FOXP2: variants seen among roughly 807,000 people sequenced by gnomAD.
FOXP2 encodes the protein forkhead box protein P2.
FOXP2 carries 12 observed loss-of-function variants against 115.8 expected under a neutral mutation model. That is an observed-to-expected ratio of 0.10 (90% CI 0.07 to 0.17). FOXP2 has a LOEUF of 0.17. Ranked by LOEUF, FOXP2 falls within the 10% of genes least tolerant of loss-of-function variation. The probability of loss-of-function intolerance (pLI) is 1.00; values close to 1 mark genes in which losing one functional copy is unlikely to be tolerated. For missense variants in FOXP2, 629 were observed against 843.5 expected, an observed-to-expected ratio of 0.75 and a Z score of 3.15; for synonymous variants, 328 against 297.7, an observed-to-expected ratio of 1.10 and a Z score of -1.05.
rs1278575018 is a variant in FOXP2, at chr7:114,401,469, C to G, written c.-10-25033C>G. 2.0e-5 allele frequency among the ~76,000 whole-genome samples: 3 copies of G among 152,134 alleles called. No individual in the cohort carries two copies. The South Asian group carries it at 6.2e-4, about 32-fold the overall frequency. On this transcript the variant is annotated intron_variant, in intron 2 of 17. Coordinates refer to the FOXP2 transcript ENST00000634411. ...TCCCCTCATCACTACCACTTAATAA[C>G]TTATTTTCTGCCAGGTACTTTTCAT...
intron 2 of FOXP2, among the ~76,000 whole-genome samples, chr7:114,513,341 T>C (rs1398863113): frequency 6.6e-6 from 1 of 152,160 alleles, no homozygotes; most frequent in Admixed American, 6.6e-5. Context: ...TTATGATTAA[T>C]AACTAGTAAT....
rs151329415 is a variant in FOXP2, at chr7:114,294,406, C to T, written c.-11+6297C>T. On this transcript the variant is annotated intron_variant, in intron 2 of 17. Transcript: ENST00000634411. ...TGGAGGTGTAAATACTAGAGTCACA[C>T]GGAAGTATCTAGATATGTGTACACA... 6.5e-3 allele frequency among the ~76,000 whole-genome samples: 984 copies of T among 152,124 alleles called. 13 individuals are homozygous for T. Among genetic ancestry groups the T allele is most frequent in the Non-Finnish European group, 0.011 (756 of 68,024 alleles).
chr7:114,156,549 G>T (rs1792677284), intron 1 of FOXP2, among the ~76,000 whole-genome samples: 1 of 152,012 alleles, frequency 6.6e-6, no homozygotes, highest in Non-Finnish European at 1.5e-5. Flanking sequence ...ACTTTGTGTT[G>T]TTCCACCTTT....
Position 114,691,106 on chromosome 7 carries a change from G to T in FOXP2, c.*1180G>T, listed in dbSNP as rs778677921. ...CACTGACCAAAACGATTATGTACTT[G>T]ATGCAAATGCAGATTGCATATTGTT... On this transcript the variant is annotated 3_prime_UTR_variant, in exon 17 of 17. Coordinates refer to ENST00000350908, the MANE Select transcript of FOXP2 (RefSeq NM_014491.4). 2.9e-5 allele frequency: 13 copies of T among 454,042 alleles called. No homozygotes were observed. Among genetic ancestry groups the T allele is most frequent in the South Asian group, 1.9e-4 (12 of 64,478 alleles). The allele number at this position is 454,042 out of a possible 1,614,324, so 28.1% of individuals were successfully genotyped here. A position where few individuals can be genotyped will look rare whatever the true frequency, so the allele number is the denominator to read the frequency against.
intron 13 of FOXP2, chr7:114,661,814 A>G (rs1806878510): frequency 2.3e-6 from 1 of 441,632 alleles, no homozygotes; most frequent in Non-Finnish European, 4.2e-6. Context: ...AGACCAGTTC[A>G]ATGAAAGGAA....
intron 1 of FOXP2, among the ~76,000 whole-genome samples, chr7:114,274,877 A>G (rs988542919): frequency 3.3e-5 from 5 of 151,128 alleles, no homozygotes; most frequent in Non-Finnish European, 5.9e-5. Context: ...CTGGTCTGGA[A>G]CTCCTAGTCT....
At chr7:114,549,071 A>G (rs1363605585) in intron 3 of FOXP2, among the ~76,000 whole-genome samples, 1 of 152,158 alleles carries the variant, frequency 6.6e-6, no homozygotes, top group East Asian at 1.9e-4. Flanking sequence ...AACCACCTAT[A>G]CTGCAAAAAT....
chr7:114,334,888 CTG>C (rs1438671810), intron 2 of FOXP2, among the ~76,000 whole-genome samples: 27 of 139,506 alleles, frequency 1.9e-4, no homozygotes, highest in East Asian at 4.2e-4. Flanking sequence ...AAGGATATCT[CTG>C]TGTGTGTGTG....
intron 3 of FOXP2, among the ~76,000 whole-genome samples, chr7:114,611,193 G>A: frequency 6.6e-6 from 1 of 152,180 alleles, no homozygotes; most frequent in East Asian, 1.9e-4. Flanking sequence ...TTGGGAATAT[G>A]TGAAATTTGT....
At chr7:114,245,044 G>C (rs1055411627) in intron 1 of FOXP2, among the ~76,000 whole-genome samples, 9 of 152,170 alleles carry the variant, frequency 5.9e-5, no homozygotes, top group Admixed American at 2.0e-4. Flanking sequence ...CCACAAGCGC[G>C]AGCCACCGCG....
At chr7:114,234,715 T>A (rs1788601751) in intron 1 of FOXP2, among the ~76,000 whole-genome samples, 1 of 152,220 alleles carries the variant, frequency 6.6e-6, no homozygotes, top group Non-Finnish European at 1.5e-5. Context: ...AACTCTGCCC[T>A]TTATTCGTTC....
intron 2 of FOXP2, among the ~76,000 whole-genome samples, chr7:114,389,778 C>A (rs1387605999): frequency 3.9e-5 from 6 of 152,064 alleles, no homozygotes; most frequent in African/African-American, 1.4e-4. Context: ...AATCCCAGCA[C>A]TTTGGGAGGC....
In FOXP2 at chr7:114,518,469, G is replaced by A. The variant is rs576372127; in HGVS notation, c.169-16148G>A. Among the ~76,000 whole-genome samples the A allele has an allele frequency of 3.0e-4, 46 of 151,928 alleles. No individual in the cohort carries two copies. In the South Asian group the frequency reaches 3.1e-3, roughly 10 times the overall value. On this transcript the variant is annotated intron_variant, in intron 2 of 16. Coordinates refer to ENST00000350908, the MANE Select transcript of FOXP2 (RefSeq NM_014491.4). ...TAATAAAGGTAATATTCTAAGAATT[G>A]CCTGTAACAGTAACAGCCCTTTGAC... is the stretch of plus-strand genomic sequence containing the variant.
chr7:114,250,582 C>A (rs1356050812), intron 1 of FOXP2, among the ~76,000 whole-genome samples: 5 of 152,170 alleles, frequency 3.3e-5, no homozygotes, highest in African/African-American at 1.2e-4. Context: ...CTGTTGCCTG[C>A]ATAAATGTCT....
intron 2 of FOXP2, among the ~76,000 whole-genome samples, chr7:114,456,179 C>T (rs1159978263): frequency 6.6e-6 from 1 of 152,104 alleles, no homozygotes; most frequent in Non-Finnish European, 1.5e-5. Context: ...CTTTAACTCA[C>T]TAGAATGTGG....
intron 2 of FOXP2, among the ~76,000 whole-genome samples, chr7:114,485,184 CAATT>C (rs1229624837): frequency 3.3e-5 from 5 of 151,996 alleles, no homozygotes; most frequent in African/African-American, 1.2e-4. Context: ...AATTTGGTCT[CAATT>C]AATCTCAGGT....
At chr7:114,241,607 C>A (rs1795154237) in intron 1 of FOXP2, among the ~76,000 whole-genome samples, 1 of 151,784 alleles carries the variant, frequency 6.6e-6, no homozygotes, top group African/African-American at 2.4e-5. Context: ...GCTATGTTAG[C>A]ATTATGAACA....
At chr7:114,103,276 TCTGA>T (rs1430773008) in intron 1 of FOXP2, among the ~76,000 whole-genome samples, 1 of 152,064 alleles carries the variant, frequency 6.6e-6, no homozygotes, top group African/African-American at 2.4e-5. Context: ...TAGTGAAGTA[TCTGA>T]CTGGAATGGG....
chr7:114,282,949 G>A (rs763082578), intron 1 of FOXP2, among the ~76,000 whole-genome samples: 1 of 152,120 alleles, frequency 6.6e-6, no homozygotes, highest in Non-Finnish European at 1.5e-5. Context: ...GAATAATGTA[G>A]GCACTGCTGC....
Sources: allele counts gnomAD v4.1 joint callset (sites outside exome capture counted in the v4.1 genomes callset), GRCh38; gene constraint gnomAD v4.1.1; transcripts MANE v1.5; gene names NCBI Gene and HGNC (gene_info 2026-07-23, HGNC 2026-07-21).